Variants in AHNAK2 observed in about 807,000 individuals in gnomAD.
AHNAK2 encodes the protein protein AHNAK2.
Under a neutral mutation model 30.7 loss-of-function variants are expected in AHNAK2, and 18 were observed. That is an observed-to-expected ratio of 0.59 (90% CI 0.41 to 0.87). AHNAK2 has a LOEUF of 0.87. Ranked by LOEUF, AHNAK2 falls within the 40% of genes least tolerant of loss-of-function variation. AHNAK2 has a pLI of 0.00. For synonymous variants in AHNAK2, 3,590 were observed against 3,073.8 expected (o/e 1.17, Z -5.56); for missense variants, 8,604 against 7,373.0 (o/e 1.17, Z -6.11).
rs368851934 is a variant in AHNAK2 at position 104,950,889 on chromosome 14, G to A, written c.4562C>T (p.Pro1521Leu). ...GAGGCTCACGTCGGCCTCCACCTTC[G>A]GCGCAGACACATCCACTGAGGCCTC... is the stretch of plus-strand genomic sequence containing the variant. ...SIEASVDVSAPKVEADVSLPS... is the reference protein window; with the variant it reads ...SIEASVDVSALKVEADVSLPS... The change falls in exon 7 of 7, where the codon CCG becomes CTG. Residue 1521 changes from proline (P) to leucine (L), a missense_variant. Physicochemically the swap from Pro to Leu is moderately conservative, Grantham distance 98. Coordinates refer to ENST00000333244, the MANE Select transcript of AHNAK2 (RefSeq NM_138420.4). The A allele has an allele frequency of 2.5e-4, 396 of 1,566,398 alleles. 38 individuals carry two copies. Among genetic ancestry groups the A allele is most frequent in the Admixed American group, 1.3e-3 (74 of 56,022 alleles).
Position 104,938,705 on chromosome 14 carries a change from A to G in AHNAK2, c.16746T>C (p.Asn5582=), listed in dbSNP as rs201233696. 314 of 1,613,432 alleles carry G rather than the reference A, an allele frequency of 1.9e-4. No homozygotes were observed. The highest frequency in any genetic ancestry group is 7.3e-4 in the Admixed American group (44 of 59,938). The change falls in exon 7 of 7, where the codon AAT becomes AAC. Residue 5582 remains asparagine (N), a synonymous_variant. Transcript: ENST00000333244. Reference sequence around the variant, plus strand: ...ATGTGAGTGTTTGCTGTCCCAGTACATTGACGCTGGAAGAGATCATCTCAA... The same window carrying G: ...ATGTGAGTGTTTGCTGTCCCAGTACGTTGACGCTGGAAGAGATCATCTCAA... ...EPFEMISSSV[N]VLGQQTLTFE... is the part of the protein sequence containing the mutation.
chr14:104,952,699 T>C lies in AHNAK2; in HGVS notation c.2752A>G (p.Lys918Glu). 1 of 1,612,828 alleles carries C rather than the reference T, an allele frequency of 6.2e-7. No homozygotes were observed. The highest frequency in any genetic ancestry group is 1.1e-5 in the South Asian group (1 of 91,050). ...ATCTTGAAACTGGGCATCTCCACTT[T>C]GGGCAGGTGCACTTTGGGGCCGGCT... ...EGAGPKVHLP[K>E]VEMPSFKMPK... The change falls in exon 7 of 7, where the codon AAA becomes GAA. Residue 918 changes from lysine (K) to glutamate (E), a missense_variant. Lys to Glu is a moderately conservative substitution (Grantham distance 56). Transcript: ENST00000333244.
Position 104,942,127 on chromosome 14 carries a change from T to A in AHNAK2, c.13324A>T (p.Ser4442Cys), listed in dbSNP as rs377277155. 8 of 1,612,698 alleles carry A rather than the reference T, an allele frequency of 5.0e-6. No homozygotes were observed. The African/African-American group carries it at 1.1e-4, about 22-fold the overall frequency. ...DIQAPGAKLD[S>C]TRLEGDLSLA... is the part of the protein sequence containing the mutation. ...GACAGGTCCCCCTCCAGCCGCGTAC[T>A]GTCCAGCTTGGCTCCTGGGGCTTGG... The change falls in exon 7 of 7, where the codon AGT (serine) becomes TGT (cysteine). Residue 4442 changes from serine (S) to cysteine (C), a missense_variant. Physicochemically the swap from Ser to Cys is moderately radical, Grantham distance 112. Transcript: ENST00000333244.
intron 1 of AHNAK2, among the ~76,000 whole-genome samples, chr14:104,968,799 C>G (rs761516987): frequency 6.6e-6 from 1 of 152,210 alleles, no homozygotes; most frequent in Non-Finnish European, 1.5e-5. Context: ...TGTGTGCTCA[C>G]AGGATGTACG....
rs766429160 is a variant in AHNAK2 at position 104,941,285 on chromosome 14, G to T, written c.14166C>A (p.Val4722=). 2.0e-5 allele frequency: 33 copies of T among 1,613,442 alleles called. No homozygotes were observed. The highest frequency in any genetic ancestry group is 2.3e-5 in the Non-Finnish European group (27 of 1,179,830). The change falls in exon 7 of 7, where the codon GTC becomes GTA. Residue 4722 remains valine (V), a synonymous_variant. Coordinates refer to ENST00000333244, the MANE Select transcript of AHNAK2 (RefSeq NM_138420.4). ...SSTKTPKDSL[V]PGAKSSIGLS... is the part of the protein sequence containing the mutation. ...GACCTATGCTAGACTTTGCACCTGGGACTAAACTATCTTTAGGAGTTTTGG... is the reference window on the plus strand; with the variant it reads ...GACCTATGCTAGACTTTGCACCTGGTACTAAACTATCTTTAGGAGTTTTGG...
At position 104,953,045 on chromosome 14, in the gene AHNAK2, G is replaced by A. The variant is rs760280838; in HGVS notation, c.2406C>T (p.Asp802=). The A allele has an allele frequency of 1.2e-5, 19 of 1,612,438 alleles. No homozygotes were observed. The highest frequency in any genetic ancestry group is 7.7e-5 in the South Asian group (7 of 91,030). The change falls in exon 7 of 7, where the codon GAC becomes GAT. Residue 802 remains aspartate, a synonymous_variant. Transcript: ENST00000333244. ...VKMSLSSMEV[D]VQAPRAKLDG... ...CCAGCTTTGCTCTCGGGGCCTGGAC[G>A]TCCACCTCCATGCTGGACAGAGACA... is the stretch of plus-strand genomic sequence containing the variant.
chr14:104,963,742 A>G (rs1227516886), intron 1 of AHNAK2, among the ~76,000 whole-genome samples: 1 of 151,538 alleles, frequency 6.6e-6, no homozygotes, highest in Non-Finnish European at 1.5e-5. Context: ...AGGCAGGAGA[A>G]TGGCGTGAAC....
In AHNAK2 at chr14:104,946,901, G is replaced by A. The variant is rs1898307463; in HGVS notation, c.8550C>T (p.Pro2850=). Residue 2850 remains proline, a synonymous_variant, in exon 7 of 7, where the codon CCC becomes CCT. Transcript: ENST00000333244. ...TGGTCTTAAGATCCCCTTGCATGGAGGGGAAGCTCCCGTCAGCTTCCACCT... is the reference window on the plus strand; with the variant it reads ...TGGTCTTAAGATCCCCTTGCATGGAAGGGAAGCTCCCGTCAGCTTCCACCT... ...ELKVEADGSF[P]SMQGDLKTTD... is the part of the protein sequence containing the mutation. The A allele has an allele frequency of 6.8e-6, 11 of 1,612,686 alleles. No homozygotes were observed. Among genetic ancestry groups the A allele is most frequent in the South Asian group, 4.4e-5 (4 of 91,026 alleles).
chr14:104,948,377 C>T lies in AHNAK2; in HGVS notation c.7074G>A (p.Gln2358=), dbSNP rs199781020. 6.8e-5 allele frequency: 110 copies of T among 1,612,506 alleles called. No individual in the cohort carries two copies. The highest frequency in any genetic ancestry group is 8.5e-5 in the Non-Finnish European group (100 of 1,179,548). ...VEADVSLPSM[Q]GDLKTTDLSV... ...TGAGGTCAGTGGTCTTGAGGTCCCCCTGCATGGAGGGGAGGCTCACGTCGG... is the reference window on the plus strand; with the variant it reads ...TGAGGTCAGTGGTCTTGAGGTCCCCTTGCATGGAGGGGAGGCTCACGTCGG... Residue 2358 remains glutamine, a synonymous_variant, in exon 7 of 7, where the codon CAG becomes CAA. Transcript: ENST00000333244.
At position 104,951,717 on chromosome 14, in the gene AHNAK2, T is replaced by C; in HGVS notation, c.3734A>G (p.His1245Arg). ...ACTAGGCATCTGCACCTTGGGCAGGTGCCCTTTGAAGCCGGCTCCCTCAGG... is the reference window on the plus strand; with the variant it reads ...ACTAGGCATCTGCACCTTGGGCAGGCGCCCTTTGAAGCCGGCTCCCTCAGG... ...HVPEGAGFKG[H>R]LPKVQMPSLK... Residue 1245 changes from histidine (H) to arginine (R), a missense_variant, in exon 7 of 7, where the codon CAC (histidine) becomes CGC (arginine). By Grantham distance (29) the His-to-Arg change is conservative (BLOSUM62 0). Coordinates refer to ENST00000333244, the MANE Select transcript of AHNAK2 (RefSeq NM_138420.4). 1 of 1,246,370 alleles carries C rather than the reference T, an allele frequency of 8.0e-7. No individual in the cohort carries two copies. 77.2% of individuals were successfully genotyped at this position (1,246,370 alleles called of 1,614,324 possible). A position where few individuals can be genotyped will look rare whatever the true frequency, so the allele number is the denominator to read the frequency against.
In AHNAK2 at chr14:104,954,507, G is replaced by A. The variant is rs995418958; in HGVS notation, c.944C>T (p.Pro315Leu). Reference sequence around the variant, plus strand: ...GAACTTCCGCCTCCTCTGGCTGCCCGGCCCTGCCTTCTGCTCTTGGCGCTC... The same window carrying A: ...GAACTTCCGCCTCCTCTGGCTGCCCAGCCCTGCCTTCTGCTCTTGGCGCTC... Reference protein sequence around the residue: ...TVERQEQKAGPGSQRRRKFLN... With the variant: ...TVERQEQKAGLGSQRRRKFLN... The change falls in exon 7 of 7, where the codon CCG becomes CTG. Residue 315 changes from proline to leucine, a missense_variant. Transcript: ENST00000333244. This position sits in a 1 kb window ranked among gnomAD's most constrained non-coding sequence, Gnocchi z 4.3. 2.1e-5 allele frequency: 34 copies of A among 1,612,028 alleles called. No individual in the cohort carries two copies. The highest frequency in any genetic ancestry group is 3.3e-4 in the Middle Eastern group (2 of 6,084).
chr14:104,971,035 T>C (rs181557196), intron 1 of AHNAK2, among the ~76,000 whole-genome samples: 2 of 152,208 alleles, frequency 1.3e-5, no homozygotes, highest in East Asian at 1.9e-4. Context: ...CTGGCCTCCC[T>C]TCAGCCCGCT....
In AHNAK2 at chr14:104,945,416, G is replaced by T. The variant is rs535259081; in HGVS notation, c.10035C>A (p.Pro3345=). The T allele has an allele frequency of 1.2e-6, 2 of 1,613,278 alleles. No individual in the cohort carries two copies. The highest frequency in any genetic ancestry group is 2.2e-5 in the South Asian group (2 of 91,052). The part of the protein sequence containing the change: ...APKAEADVSL[P]SMQGDLKTTD... ...TGGTCTTGAGGTCCCCCTGCATGGA[G>T]GGGAGGCTCACGTCGGCCTCCGCCT... is the stretch of plus-strand genomic sequence containing the variant. The change falls in exon 7 of 7, where the codon CCC becomes CCA. Residue 3345 remains proline (P), a synonymous_variant. Transcript: ENST00000333244.
In AHNAK2 at chr14:104,943,808, G is replaced by A; in HGVS notation, c.11643C>T (p.Gly3881=). ...GCACCTTGGGCAGGTGTCCTTTGAG[G>A]CCGGCTTCCTCGGGCACGTGGCCCT... The part of the protein sequence containing the change: ...LLEGHVPEEA[G]LKGHLPKVQM... The change falls in exon 7 of 7, where the codon GGC becomes GGT. Residue 3881 remains glycine (G), a synonymous_variant. Transcript: ENST00000333244. 2 of 1,613,322 alleles carry A rather than the reference G, an allele frequency of 1.2e-6. No homozygotes were observed. Among genetic ancestry groups the A allele is most frequent in the South Asian group, 1.1e-5 (1 of 91,048 alleles).
At position 104,950,874 on chromosome 14, in the gene AHNAK2, T is replaced by G; in HGVS notation, c.4577A>C (p.Asp1526Ala). 1 of 1,580,926 alleles carries G rather than the reference T, an allele frequency of 6.3e-7. No homozygotes were observed. ...CCCCTGCATGGAGGGGAGGCTCACG[T>G]CGGCCTCCACCTTCGGCGCAGACAC... ...VDVSAPKVEA[D>A]VSLPSMQGDL... The change falls in exon 7 of 7, where the codon GAC (aspartate) becomes GCC (alanine). Residue 1526 changes from aspartate to alanine, a missense_variant. Coordinates refer to ENST00000333244, the MANE Select transcript of AHNAK2 (RefSeq NM_138420.4).
chr14:104,947,157 G>A lies in AHNAK2; in HGVS notation c.8294C>T (p.Ala2765Val), dbSNP rs766967027. The A allele has an allele frequency of 4.4e-5, 71 of 1,611,830 alleles. No homozygotes were observed. In the Admixed American group the frequency reaches 6.7e-4, roughly 15 times the overall value. The change falls in exon 7 of 7, where the codon GCG becomes GTG. Residue 2765 changes from alanine (A) to valine (V), a missense_variant. Ala to Val is a moderately conservative substitution (Grantham distance 64, BLOSUM62 0). Transcript: ENST00000333244. Reference protein sequence around the residue: ...GPNVDLKGPKAEVTAPDVKMS... With the variant: ...GPNVDLKGPKVEVTAPDVKMS... Reference sequence around the variant, plus strand: ...CTTCACATCGGGGGCTGTCACTTCCGCCTTGGGGCCTTTCAGGTCCACGTT... The same window carrying A: ...CTTCACATCGGGGGCTGTCACTTCCACCTTGGGGCCTTTCAGGTCCACGTT...
rs372760290 is a variant in AHNAK2, at chr14:104,940,034, C to G, written c.15417G>C (p.Gly5139=). 1.3e-5 allele frequency: 21 copies of G among 1,611,234 alleles called. No individual in the cohort carries two copies. The highest frequency in any genetic ancestry group is 1.7e-5 in the Non-Finnish European group (20 of 1,178,362). ...CACAAGGCTGGCTCACTGGGACATC[C>G]CCGAGCCCACATCCTCTGCTGTCAC... ...TEGDSRGCGL[G]DVPVSQPCGE... Residue 5139 remains glycine (G), a synonymous_variant, in exon 7 of 7, where the codon GGG becomes GGC. Transcript: ENST00000333244. The surrounding 1 kb of genome is among the most constrained non-coding windows in gnomAD (Gnocchi z 4.4).
rs2140817512 is a variant in AHNAK2, at chr14:104,940,434, G to A, written c.15017C>T (p.Pro5006Leu). ...CCCCTTCTCTCCATCCCTCTCAGGA[G>A]GCAGATCCATGTGGATGGCAGACTG... is the stretch of plus-strand genomic sequence containing the variant. Reference protein sequence around the residue: ...APQSAIHMDLPPERDGEKGRS... With the variant: ...APQSAIHMDLLPERDGEKGRS... The change falls in exon 7 of 7, where the codon CCT (proline) becomes CTT (leucine). Residue 5006 changes from proline to leucine, a missense_variant. By Grantham distance (98) the Pro-to-Leu change is moderately conservative. Transcript: ENST00000333244. This position sits in a 1 kb window ranked among gnomAD's most constrained non-coding sequence, Gnocchi z 4.4. 6.2e-7 allele frequency: 1 copy of A among 1,613,878 alleles called. No individual in the cohort carries two copies. Among genetic ancestry groups the A allele is most frequent in the East Asian group, 2.2e-5 (1 of 44,890 alleles).
chr14:104,942,657 T>G lies in AHNAK2; in HGVS notation c.12794A>C (p.Glu4265Ala), dbSNP rs745349488. Residue 4265 changes from glutamate to alanine, a missense_variant, in exon 7 of 7, where the codon GAG (glutamate) becomes GCG (alanine). Physicochemically the swap from Glu to Ala is moderately radical, Grantham distance 107 (BLOSUM62 -1). Transcript: ENST00000333244. The part of the protein sequence containing the change: ...PVVEVSLPSM[E>A]VDVEAPGAKL... ...GGCTCCCGGGGCCTCGACGTCCACC[T>G]CCATGCTGGGCAGAGACACCTCCAC... The G allele has an allele frequency of 1.9e-6, 3 of 1,613,340 alleles. No homozygotes were observed. Among genetic ancestry groups the G allele is most frequent in the Non-Finnish European group, 1.7e-6 (2 of 1,179,694 alleles).
Sources: allele counts gnomAD v4.1 joint callset (sites outside exome capture counted in the v4.1 genomes callset), GRCh38; gene constraint gnomAD v4.1.1; non-coding constraint Gnocchi (gnomAD v3.1); transcripts MANE v1.5; gene names NCBI Gene and HGNC (gene_info 2026-07-23, HGNC 2026-07-21).